The following CNTNAP5 variants were observed in gnomAD, a reference collection of about 807,000 sequenced individuals.
The protein encoded by CNTNAP5 is contactin-associated protein-like 5.
Under a neutral mutation model 150.2 loss-of-function variants are expected in CNTNAP5, and 72 were observed. That is an observed-to-expected ratio of 0.48 (90% confidence interval 0.40 to 0.58). CNTNAP5 has a LOEUF of 0.58. Among genes scored for constraint, CNTNAP5 ranks in the 20% least tolerant of loss-of-function variants. The probability of loss-of-function intolerance (pLI) is 0.00; values close to 1 mark genes in which losing one functional copy is unlikely to be tolerated. For synonymous variants in CNTNAP5, 672 were observed against 619.8 expected (o/e 1.08, Z -1.25); for missense variants, 1,636 against 1,626.2 (o/e 1.01, Z -0.10).
At chr2:124,714,682 G>C (rs35184909) in intron 13 of CNTNAP5, among the ~76,000 whole-genome samples, 1 of 151,158 alleles carries the variant, frequency 6.6e-6, no homozygotes, top group Non-Finnish European at 1.5e-5. Context: ...TACATAACAC[G>C]TGAATTATAT....
At chr2:124,800,644 A>G (rs1033986596) in intron 19 of CNTNAP5, among the ~76,000 whole-genome samples, 5 of 152,204 alleles carry the variant, frequency 3.3e-5, no homozygotes, top group Non-Finnish European at 5.9e-5. Context: ...TATTTCATTG[A>G]GAAAGCATTC....
At chr2:124,542,357 A>T (rs1695407279) in intron 10 of CNTNAP5, among the ~76,000 whole-genome samples, 1 of 151,162 alleles carries the variant, frequency 6.6e-6, no homozygotes, top group Non-Finnish European at 1.5e-5. Flanking sequence ...AGAGAGCTAG[A>T]TAAGAAACCT....
At chr2:124,499,065 C>A (rs1324368239) in intron 7 of CNTNAP5, among the ~76,000 whole-genome samples, 1 of 152,158 alleles carries the variant, frequency 6.6e-6, no homozygotes, top group African/African-American at 2.4e-5. Context: ...AGATACATTG[C>A]ACGTGGTCTC....
At chr2:124,362,030 G>A (rs10183718) in intron 3 of CNTNAP5, among the ~76,000 whole-genome samples, 24,291 of 152,210 alleles carry the variant, frequency 0.16, 1,943 homozygotes, top group East Asian at 0.21. Flanking sequence ...TTTTTAAGCC[G>A]GTCCGAAAAG....
At chr2:124,055,569 A>T (rs1160337803) in intron 1 of CNTNAP5, among the ~76,000 whole-genome samples, 1 of 152,134 alleles carries the variant, frequency 6.6e-6, no homozygotes, top group Non-Finnish European at 1.5e-5. Flanking sequence ...GGATATGATC[A>T]CAGGGGCTGT....
rs143613467 is a variant in CNTNAP5 at position 124,871,910 on chromosome 2, A to T, written c.3436+2148A>T. 2.5e-3 allele frequency among the ~76,000 whole-genome samples: 385 copies of T among 152,158 alleles called. 5 individuals are homozygous for T. Among genetic ancestry groups the T allele is most frequent in the African/African-American group, 7.4e-3 (309 of 41,538 alleles). On this transcript the variant is annotated intron_variant, in intron 21 of 23. Transcript: ENST00000682447. ...TCATCAGTTCTTAAAAATTCTCAAC[A>T]TATCAAATCTTGCTTCCTCCTATTC...
At chr2:124,775,643 C>A (rs1681306439) in intron 17 of CNTNAP5, among the ~76,000 whole-genome samples, 1 of 152,148 alleles carries the variant, frequency 6.6e-6, no homozygotes, top group Admixed American at 6.6e-5. Context: ...AGTGCTGATA[C>A]ATGAGTCAAT....
chr2:124,340,617 G>A (rs960767363), intron 3 of CNTNAP5, among the ~76,000 whole-genome samples: 43 of 151,806 alleles, frequency 2.8e-4, no homozygotes, highest in Admixed American at 2.0e-3. Context: ...GTAATCTCTT[G>A]GAAATACCCT....
intron 21 of CNTNAP5, among the ~76,000 whole-genome samples, chr2:124,889,088 T>A (rs1357033544): frequency 7.0e-6 from 1 of 142,100 alleles, no homozygotes; most frequent in African/African-American, 2.6e-5. Flanking sequence ...CTTTTTTTTT[T>A]TTTTTTTTTT....
chr2:124,508,805 T>C (rs1573422556), intron 8 of CNTNAP5, among the ~76,000 whole-genome samples: 1 of 152,272 alleles, frequency 6.6e-6, no homozygotes, highest in African/African-American at 2.4e-5. Context: ...GTTTTGTGTA[T>C]TCTTCGATTT....
chr2:124,676,829 A>G (rs1018969913), intron 13 of CNTNAP5, among the ~76,000 whole-genome samples: 4 of 152,216 alleles, frequency 2.6e-5, no homozygotes, highest in Non-Finnish European at 4.4e-5. Flanking sequence ...GATGGTTAAA[A>G]GCCTCTATTA....
chr2:124,538,538 AAGAAAGAAAGAG>A (rs1471442238), intron 10 of CNTNAP5, among the ~76,000 whole-genome samples: 1 of 151,654 alleles, frequency 6.6e-6, no homozygotes, highest in African/African-American at 2.4e-5. Flanking sequence ...GAAGGAAAGA[AAGAAAGAAAGAG>A]AGAAAGAAAG....
intron 19 of CNTNAP5, among the ~76,000 whole-genome samples, chr2:124,860,497 T>TTCTC (rs1677499853): frequency 2.3e-5 from 2 of 88,338 alleles, no homozygotes; most frequent in African/African-American, 9.1e-5. Context: ...CCTTCCTTCC[T>TTCTC]TCCTTCTTTC....
At chr2:124,178,996 A>G (rs1222183380) in intron 1 of CNTNAP5, among the ~76,000 whole-genome samples, 1 of 151,250 alleles carries the variant, frequency 6.6e-6, no homozygotes, top group Non-Finnish European at 1.5e-5. Flanking sequence ...TCTGTCACCC[A>G]GGCTGGAGTG....
intron 3 of CNTNAP5, among the ~76,000 whole-genome samples, chr2:124,317,516 G>A (rs1283218864): frequency 1.3e-5 from 2 of 152,032 alleles, no homozygotes; most frequent in Non-Finnish European, 2.9e-5. Context: ...AGTTAATGGA[G>A]CCATCTACAT....
intron 1 of CNTNAP5, among the ~76,000 whole-genome samples, chr2:124,221,124 G>A (rs975713515): frequency 6.6e-6 from 1 of 152,150 alleles, no homozygotes; most frequent in South Asian, 2.1e-4. Context: ...GAATATACAA[G>A]ATCTAGGACT....
In CNTNAP5 at chr2:124,189,934, T is replaced by A. The variant is rs536875503; in HGVS notation, c.83-31771T>A. 8.6e-4 allele frequency among the ~76,000 whole-genome samples: 131 copies of A among 152,344 alleles called. 1 individual carries two copies. The highest frequency in any genetic ancestry group is 3.1e-3 in the African/African-American group (127 of 41,592). On this transcript the variant is annotated intron_variant, in intron 1 of 23. Coordinates refer to ENST00000682447, the MANE Select transcript of CNTNAP5 (RefSeq NM_001367498.1). ...AGGTGCCTTCATATGCCTGGCCTTT[T>A]CTCTGCCTCCCAAGTGGGCTTTGAA... is the stretch of plus-strand genomic sequence containing the variant.
chr2:124,698,124 G>A (rs758660461), intron 13 of CNTNAP5, among the ~76,000 whole-genome samples: 24 of 152,098 alleles, frequency 1.6e-4, no homozygotes, highest in Non-Finnish European at 3.4e-4. Context: ...AAAGGGGTAT[G>A]ATCTGCTCAG....
At chr2:124,291,196 G>A (rs930363355) in intron 3 of CNTNAP5, among the ~76,000 whole-genome samples, 5 of 151,866 alleles carry the variant, frequency 3.3e-5, no homozygotes, top group Non-Finnish European at 7.4e-5. Flanking sequence ...AAGAGAAAAC[G>A]GAGGCAGAGA....
Sources: allele counts gnomAD v4.1 joint callset (sites outside exome capture counted in the v4.1 genomes callset), GRCh38; gene constraint gnomAD v4.1.1; transcripts MANE v1.5; gene names NCBI Gene and HGNC (gene_info 2026-07-23, HGNC 2026-07-21).